Variants in NUDT19 observed in about 807,000 individuals in gnomAD.
NUDT19 encodes the protein acyl-coenzyme A diphosphatase NUDT19.
In NUDT19, 31 loss-of-function variants were observed where a neutral mutation model predicts 22.2. The observed-to-expected ratio is 1.40, with a 90% confidence interval of 1.05 to 1.89. The LOEUF is 1.89. NUDT19 is among the 40% of genes most tolerant of loss of function. The pLI is 0.00. For synonymous variants in NUDT19, 325 were observed against 230.8 expected, an observed-to-expected ratio of 1.41 and a Z score of -3.70; for missense variants, 752 against 514.2, an observed-to-expected ratio of 1.46 and a Z score of -4.47.
At chr19:32,699,325 T>C (rs1464080421) in intron 1 of NUDT19, among the ~76,000 whole-genome samples, 1 of 152,154 alleles carries the variant, frequency 6.6e-6, no homozygotes, top group Non-Finnish European at 1.5e-5. Flanking sequence ...AGGGTCAGGA[T>C]AGATAGGATA....
At position 32,698,542 on chromosome 19, in the gene NUDT19, A is replaced by G. The variant is rs570266082; in HGVS notation, c.714+5868A>G. On this transcript the variant is annotated intron_variant, in intron 1 of 2. Transcript: ENST00000397061. ...AACACCTCTTGCCCAAGAACCTGCAACAGTCCCCGGACCCTGCTGATTGGA... is the reference window on the plus strand; with the variant it reads ...AACACCTCTTGCCCAAGAACCTGCAGCAGTCCCCGGACCCTGCTGATTGGA... Among the ~76,000 whole-genome samples, 3 of 152,252 alleles carry G rather than the reference A, an allele frequency of 2.0e-5. No homozygotes were observed. In the East Asian group the frequency reaches 5.8e-4, roughly 29 times the overall value.
intron 1 of NUDT19, among the ~76,000 whole-genome samples, chr19:32,699,539 T>G (rs1004541807): frequency 1.3e-5 from 2 of 152,202 alleles, no homozygotes; most frequent in Non-Finnish European, 2.9e-5. Flanking sequence ...TTGTTAGCCC[T>G]TTCCCAGAAA....
At chr19:32,697,807 G>A (rs554305025) in intron 1 of NUDT19, among the ~76,000 whole-genome samples, 1 of 152,250 alleles carries the variant, frequency 6.6e-6, no homozygotes, top group East Asian at 1.9e-4. Context: ...GACCCTGTAG[G>A]ACATCTGTAT....
chr19:32,709,245 C>T lies in NUDT19; in HGVS notation c.775C>T (p.Pro259Ser). 3.1e-6 allele frequency: 5 copies of T among 1,614,094 alleles called. No individual in the cohort carries two copies. Among genetic ancestry groups the T allele is most frequent in the Non-Finnish European group, 4.2e-6 (5 of 1,180,018 alleles). Residue 259 changes from proline (P) to serine (S), a missense_variant, in exon 2 of 3, where the codon CCA (proline) becomes TCA (serine). Physicochemically the swap from Pro to Ser is moderately conservative, Grantham distance 74. Coordinates refer to ENST00000397061, the MANE Select transcript of NUDT19 (RefSeq NM_001105570.2). ...FLSKEIWLPPPQFYEVRRLAN... is the reference protein window; with the variant it reads ...FLSKEIWLPPSQFYEVRRLAN... Reference sequence around the variant, plus strand: ...ATCAAAAGAAATTTGGTTGCCACCCCCACAGTTCTACGAAGTGAGAAGACT... The same window carrying T: ...ATCAAAAGAAATTTGGTTGCCACCCTCACAGTTCTACGAAGTGAGAAGACT...
At position 32,700,146 on chromosome 19, in the gene NUDT19, C is replaced by T. The variant is rs1049940240; in HGVS notation, c.714+7472C>T. 5.3e-5 allele frequency among the ~76,000 whole-genome samples: 8 copies of T among 152,242 alleles called. No individual in the cohort carries two copies. The East Asian group carries it at 7.7e-4, about 15-fold the overall frequency. ...CATGGAAAGGGACCCGAGCGGGTTG[C>T]TGCTGCTGGCTTGGGTGGCCAGCTT... is the stretch of plus-strand genomic sequence containing the variant. On this transcript the variant is annotated intron_variant, in intron 1 of 2. Coordinates refer to ENST00000397061, the MANE Select transcript of NUDT19 (RefSeq NM_001105570.2).
Position 32,697,066 on chromosome 19 carries a change from T to A in NUDT19, c.714+4392T>A, listed in dbSNP as rs190359002. Among the ~76,000 whole-genome samples, 294 of 152,250 alleles carry A rather than the reference T, an allele frequency of 1.9e-3. 1 individual carries two copies. Among genetic ancestry groups the A allele is most frequent in the African/African-American group, 6.0e-3 (248 of 41,538 alleles). On this transcript the variant is annotated intron_variant, in intron 1 of 2. Coordinates refer to ENST00000397061, the MANE Select transcript of NUDT19 (RefSeq NM_001105570.2). ...GTTTCTCATAGGACAATCTTTTTTT[T>A]AAAAAGTGTCCTTGTAAACCACACT...
At chr19:32,710,420 C>CAA (rs34357522) in intron 2 of NUDT19, among the ~76,000 whole-genome samples, 6 of 107,044 alleles carry the variant, frequency 5.6e-5, no homozygotes, top group Admixed American at 2.1e-4. Flanking sequence ...ACTGAAAATA[C>CAA]AAAAAAAAAA....
At chr19:32,694,028 G>C (rs1181481583) in intron 1 of NUDT19, among the ~76,000 whole-genome samples, 1 of 152,234 alleles carries the variant, frequency 6.6e-6, no homozygotes, top group Non-Finnish European at 1.5e-5. Flanking sequence ...GTCCTCGGTA[G>C]AAGTTGTTAG....
At chr19:32,699,154 G>C (rs549578967) in intron 1 of NUDT19, among the ~76,000 whole-genome samples, 1 of 152,296 alleles carries the variant, frequency 6.6e-6, no homozygotes, top group South Asian at 2.1e-4. Context: ...GTGAGCCCGG[G>C]TGTCTAAAGA....
Position 32,692,442 on chromosome 19 carries a change from C to A in NUDT19, c.482C>A (p.Pro161Gln), listed in dbSNP as rs1361541487. The change falls in exon 1 of 3, where the codon CCG becomes CAG. Residue 161 changes from proline (P) to glutamine (Q), a missense_variant. Pro to Gln is a moderately conservative substitution (Grantham distance 76, BLOSUM62 -1). Transcript: ENST00000397061. ...GGGCCTGGCCTCGCCCTGGAGCCACCGCCGGGCCTGGCCTCCTGGCGCGAC... is the reference window on the plus strand; with the variant it reads ...GGGCCTGGCCTCGCCCTGGAGCCACAGCCGGGCCTGGCCTCCTGGCGCGAC... ...APGPGLALEP[P>Q]PGLASWRDRV... The A allele has an allele frequency of 2.6e-6, 4 of 1,547,262 alleles. No individual in the cohort carries two copies. The highest frequency in any genetic ancestry group is 2.6e-6 in the Non-Finnish European group (3 of 1,152,410).
chr19:32,703,280 C>T (rs1001935736), intron 1 of NUDT19, among the ~76,000 whole-genome samples: 26 of 152,160 alleles, frequency 1.7e-4, no homozygotes, highest in African/African-American at 6.0e-4. Flanking sequence ...GGATTACAGG[C>T]ATCAGCCACC....
chr19:32,698,844 T>TG (rs1195170700), intron 1 of NUDT19, among the ~76,000 whole-genome samples: 1 of 152,210 alleles, frequency 6.6e-6, no homozygotes, highest in Non-Finnish European at 1.5e-5. Context: ...GGAAAACTGT[T>TG]GGAGTCCTAA....
chr19:32,695,896 C>T (rs932862765), intron 1 of NUDT19, among the ~76,000 whole-genome samples: 7 of 152,196 alleles, frequency 4.6e-5, no homozygotes, highest in African/African-American at 1.7e-4. Flanking sequence ...GCCACTAGTT[C>T]TGCTAACTGG....
At chr19:32,702,499 C>T (rs1482232335) in intron 1 of NUDT19, among the ~76,000 whole-genome samples, 2 of 152,116 alleles carry the variant, frequency 1.3e-5, no homozygotes, top group Non-Finnish European at 2.9e-5. Flanking sequence ...ACTGAACCCT[C>T]ACACAGGTGG....
At chr19:32,696,446 G>A (rs113033656) in intron 1 of NUDT19, among the ~76,000 whole-genome samples, 1,766 of 152,260 alleles carry the variant, frequency 0.012, 32 homozygotes, top group African/African-American at 0.04. Flanking sequence ...GACCCCAAGA[G>A]CTATTCCTGC....
chr19:32,700,074 C>T (rs942070686), intron 1 of NUDT19, among the ~76,000 whole-genome samples: 1 of 152,242 alleles, frequency 6.6e-6, no homozygotes, highest in African/African-American at 2.4e-5. Context: ...AAAGAGTGAG[C>T]AGCAGCAAGA....
chr19:32,693,062 T>C (rs1968220207), intron 1 of NUDT19, among the ~76,000 whole-genome samples: 1 of 152,256 alleles, frequency 6.6e-6, no homozygotes, highest in African/African-American at 2.4e-5. Flanking sequence ...GATGGGGGTC[T>C]TGTCTCTCTG....
In NUDT19 at chr19:32,709,353, A is replaced by G. The variant is rs1364711186; in HGVS notation, c.883A>G (p.Ile295Val). ...LEGLERWLPI[I>V]LLTADGMVHL... ...AGGACTGGAAAGGTGGCTGCCGATC[A>G]TCTTGTTAACTGCTGATGGGATGGT... Residue 295 changes from isoleucine to valine, a missense_variant, in exon 2 of 3, where the codon ATC (isoleucine) becomes GTC (valine). Physicochemically the swap from Ile to Val is conservative, Grantham distance 29. Coordinates refer to ENST00000397061, the MANE Select transcript of NUDT19 (RefSeq NM_001105570.2). The G allele has an allele frequency of 1.9e-6, 3 of 1,614,198 alleles. No homozygotes were observed. In the Admixed American group the frequency reaches 5.0e-5, roughly 27 times the overall value.
intron 1 of NUDT19, among the ~76,000 whole-genome samples, chr19:32,703,919 T>A (rs944380955): frequency 2.6e-5 from 4 of 151,982 alleles, no homozygotes; most frequent in African/African-American, 9.7e-5. Context: ...CAGCTGGGCC[T>A]CCCAAAGTGC....
Sources: gnomAD v4.1 joint callset for allele counts (sites outside exome capture counted in the v4.1 genomes callset) on GRCh38, gnomAD v4.1.1 for gene constraint, MANE v1.5 for transcripts, NCBI Gene and HGNC (gene_info 2026-07-23, HGNC 2026-07-21) for gene names.